Variants in SLX4IP observed in about 807,000 individuals in gnomAD.
SLX4IP encodes the protein SLX4 interacting protein, also known as protein SLX4IP.
A neutral mutation model predicts 32.9 loss-of-function variants in SLX4IP; 34 were observed. The observed-to-expected ratio is 1.03, with a 90% CI of 0.79 to 1.38. The LOEUF is 1.38. Among genes scored for constraint, SLX4IP ranks in the 40% most tolerant of loss-of-function variants. The probability of loss-of-function intolerance (pLI) is 0.00; values close to 1 mark genes in which losing one functional copy is unlikely to be tolerated. For synonymous variants in SLX4IP, 172 were observed against 171.7 expected (o/e 1.00, Z -0.01); for missense variants, 444 against 479.0 (o/e 0.93, Z 0.68).
At chr20:10,618,462 A>G (rs2067065160) in intron 6 of SLX4IP, among the ~76,000 whole-genome samples, 1 of 152,254 alleles carries the variant, frequency 6.6e-6, no homozygotes, top group Admixed American at 6.5e-5. Flanking sequence ...AATGGAGTAT[A>G]CCAAGGAATG....
At chr20:10,490,634 G>C (rs1311968328) in intron 2 of SLX4IP, among the ~76,000 whole-genome samples, 4 of 152,160 alleles carry the variant, frequency 2.6e-5, no homozygotes, top group Non-Finnish European at 5.9e-5. Flanking sequence ...AGAGGATCCA[G>C]AAAGAATGGA....
intron 2 of SLX4IP, among the ~76,000 whole-genome samples, chr20:10,510,337 A>G (rs1445806506): frequency 1.3e-5 from 2 of 152,158 alleles, no homozygotes; most frequent in African/African-American, 2.4e-5. Flanking sequence ...ATGATCCCCA[A>G]GCCCTTAGGG....
chr20:10,605,038 A>C (rs556536529), intron 6 of SLX4IP, among the ~76,000 whole-genome samples: 1 of 152,270 alleles, frequency 6.6e-6, no homozygotes, highest in East Asian at 1.9e-4. Flanking sequence ...ATATTTTCTT[A>C]TTTACAAACC....
At position 10,556,224 on chromosome 20, in the gene SLX4IP, C is replaced by T. The variant is rs377670412; in HGVS notation, c.28-7C>T. The T allele has an allele frequency of 6.9e-5, 112 of 1,612,328 alleles. No individual in the cohort carries two copies. The highest frequency in any genetic ancestry group is 8.9e-5 in the Non-Finnish European group (105 of 1,179,246). Reference sequence around the variant, plus strand: ...CAGACACTGACTCTGCCATTAATGTCTTTCAGTGTGGGAATTTTGCTGTCC... The same window carrying T: ...CAGACACTGACTCTGCCATTAATGTTTTTCAGTGTGGGAATTTTGCTGTCC... On this transcript the variant is annotated splice_polypyrimidine_tract_variant and splice_region_variant and intron_variant, in intron 2 of 7. Transcript: ENST00000334534.
intron 2 of SLX4IP, among the ~76,000 whole-genome samples, chr20:10,526,106 C>T (rs1366843467): frequency 6.6e-6 from 1 of 152,184 alleles, no homozygotes; most frequent in Non-Finnish European, 1.5e-5. Flanking sequence ...ACCCTCCTTC[C>T]TTCATGCGCA....
chr20:10,486,665 T>C (rs2065576999), intron 2 of SLX4IP, among the ~76,000 whole-genome samples: 1 of 152,182 alleles, frequency 6.6e-6, no homozygotes. Flanking sequence ...TAGCTTGTTA[T>C]TGTTTATATC....
intron 4 of SLX4IP, among the ~76,000 whole-genome samples, chr20:10,592,846 A>C (rs1336910298): frequency 1.3e-5 from 2 of 151,736 alleles, no homozygotes; most frequent in Non-Finnish European, 2.9e-5. Context: ...GTGAGCCAGG[A>C]TGGTCTCGAT....
chr20:10,498,289 C>T (rs1600932051), intron 2 of SLX4IP, among the ~76,000 whole-genome samples: 1 of 151,932 alleles, frequency 6.6e-6, no homozygotes, highest in Non-Finnish European at 1.5e-5. Flanking sequence ...TTACAGCTTC[C>T]TATCATGCCA....
intron 2 of SLX4IP, among the ~76,000 whole-genome samples, chr20:10,521,206 A>G (rs1198234378): frequency 6.6e-6 from 1 of 152,102 alleles, no homozygotes; most frequent in East Asian, 1.9e-4. Context: ...GCAGCTCTTA[A>G]AAGTGCCTGC....
intron 2 of SLX4IP, among the ~76,000 whole-genome samples, chr20:10,479,352 C>CTTTTTT (rs764474218): frequency 1.1e-4 from 8 of 73,742 alleles, no homozygotes; most frequent in Non-Finnish European, 1.3e-4. Flanking sequence ...TTCCATATTT[C>CTTTTTT]TTTTTTTTTT....
chr20:10,536,163 C>A (rs549197403), intron 2 of SLX4IP, among the ~76,000 whole-genome samples: 2 of 152,150 alleles, frequency 1.3e-5, no homozygotes, highest in African/African-American at 4.8e-5. Flanking sequence ...ATCTTTAACA[C>A]ACCTTCTTGT....
intron 2 of SLX4IP, among the ~76,000 whole-genome samples, chr20:10,551,322 C>T (rs1046805347): frequency 3.9e-5 from 6 of 152,114 alleles, no homozygotes; most frequent in East Asian, 1.9e-4. Context: ...GCAGAGTTGT[C>T]GCTACTCCAG....
intron 1 of SLX4IP, among the ~76,000 whole-genome samples, chr20:10,443,165 G>A (rs1420784784): frequency 6.6e-6 from 1 of 151,904 alleles, no homozygotes; most frequent in African/African-American, 2.4e-5. Context: ...GGCTTACTGT[G>A]GAATTTGGAA....
chr20:10,539,498 T>TAA (rs879928418), intron 2 of SLX4IP, among the ~76,000 whole-genome samples: 1 of 144,086 alleles, frequency 6.9e-6, no homozygotes, highest in Non-Finnish European at 1.5e-5. Context: ...TTTGGTTTGT[T>TAA]AAAAAAAAAA....
intron 1 of SLX4IP, among the ~76,000 whole-genome samples, chr20:10,452,676 A>T (rs375098047): frequency 0.21 from 20,652 of 97,172 alleles, 2,037 homozygotes; most frequent in East Asian, 0.42. Flanking sequence ...AAAAAAAAAA[A>T]AAAAATATAT....
intron 4 of SLX4IP, among the ~76,000 whole-genome samples, chr20:10,570,686 G>A (rs936142435): frequency 2.6e-5 from 4 of 151,606 alleles, no homozygotes; most frequent in East Asian, 1.9e-4. Flanking sequence ...CTGCCACCAC[G>A]CTGAGCTAAT....
At chr20:10,450,115 G>A (rs1423079043) in intron 1 of SLX4IP, among the ~76,000 whole-genome samples, 2 of 152,124 alleles carry the variant, frequency 1.3e-5, no homozygotes, top group Non-Finnish European at 1.5e-5. Flanking sequence ...GGCCTTCCAC[G>A]TGGTCTATCT....
intron 1 of SLX4IP, among the ~76,000 whole-genome samples, chr20:10,447,365 G>C (rs2065210549): frequency 6.6e-6 from 1 of 151,968 alleles, no homozygotes; most frequent in African/African-American, 2.4e-5. Flanking sequence ...GAAGTGTCTT[G>C]ATCTTTTTTA....
rs188448421 is a variant in SLX4IP, at chr20:10,449,711, T to C, written c.-29-8465T>C. Among the ~76,000 whole-genome samples, 268 of 152,340 alleles carry C rather than the reference T, an allele frequency of 1.8e-3. 2 individuals are homozygous for C. The highest frequency in any genetic ancestry group is 5.8e-3 in the African/African-American group (243 of 41,574). On this transcript the variant is annotated intron_variant, in intron 1 of 7. Coordinates refer to ENST00000334534, the MANE Select transcript of SLX4IP (RefSeq NM_001009608.3). ...TGTGGAAACAAGTGAAAAAGTTACATAACTTGAGGCAGAGTGTGTTATGAT... is the reference window on the plus strand; with the variant it reads ...TGTGGAAACAAGTGAAAAAGTTACACAACTTGAGGCAGAGTGTGTTATGAT...
Sources: gnomAD v4.1 joint callset for allele counts (sites outside exome capture counted in the v4.1 genomes callset) on GRCh38, gnomAD v4.1.1 for gene constraint, MANE v1.5 for transcripts, NCBI Gene and HGNC (gene_info 2026-07-23, HGNC 2026-07-21) for gene names.